Variants in TWIST2 observed in about 807,000 individuals in gnomAD.
TWIST2 encodes the protein twist family bHLH transcription factor 2, also known as twist-related protein 2.
A neutral mutation model predicts 11.6 loss-of-function variants in TWIST2; 1 was observed. The observed-to-expected ratio is 0.09, with a 90% CI of 0.03 to 0.41. The LOEUF (loss-of-function observed/expected upper bound fraction) is 0.41, where lower values mean the gene tolerates loss of function less well. Among genes scored for constraint, TWIST2 ranks in the 10% least tolerant of loss-of-function variants. The pLI is 0.98. For synonymous variants in TWIST2, 87 were observed against 96.6 expected, an observed-to-expected ratio of 0.90 and a Z score of 0.58; for missense variants, 168 against 226.4, an observed-to-expected ratio of 0.74 and a Z score of 1.66.
intron 1 of TWIST2, among the ~76,000 whole-genome samples, chr2:238,852,268 C>T (rs903722658): frequency 5.9e-5 from 9 of 152,098 alleles, no homozygotes; most frequent in African/African-American, 2.2e-4. Flanking sequence ...AAAGGCTGAA[C>T]TTTTATGACG....
chr2:238,876,413 C>A (rs1415053992), intron 1 of TWIST2, among the ~76,000 whole-genome samples: 5 of 152,202 alleles, frequency 3.3e-5, no homozygotes, highest in Non-Finnish European at 5.9e-5. Context: ...CTTTCTAGGA[C>A]TGTCCACTCA....
At chr2:238,870,585 A>AT (rs2106358850) in intron 1 of TWIST2, among the ~76,000 whole-genome samples, 2 of 70,844 alleles carry the variant, frequency 2.8e-5, no homozygotes, top group Admixed American at 1.5e-4. Context: ...CCACACACAC[A>AT]CACCACACAC....
intron 1 of TWIST2, among the ~76,000 whole-genome samples, chr2:238,885,496 A>G (rs1376829470): frequency 6.6e-6 from 1 of 152,184 alleles, no homozygotes; most frequent in East Asian, 1.9e-4. Context: ...TGCGTCAGCC[A>G]TAGCACACAG....
At chr2:238,884,289 A>C (rs1001104707) in intron 1 of TWIST2, among the ~76,000 whole-genome samples, 1 of 152,222 alleles carries the variant, frequency 6.6e-6, no homozygotes. Context: ...ACTCTGAGTC[A>C]GGGCTCTCCA....
intron 1 of TWIST2, among the ~76,000 whole-genome samples, chr2:238,853,330 A>G (rs1692273500): frequency 6.6e-6 from 1 of 151,490 alleles, no homozygotes; most frequent in Admixed American, 6.6e-5. Flanking sequence ...TTGAAGTTTT[A>G]GTATTTGGAG....
At position 238,848,139 on chromosome 2, in the gene TWIST2, C is replaced by G; in HGVS notation, c.-77C>G. 8.9e-7 allele frequency: 1 copy of G among 1,127,184 alleles called. No individual in the cohort carries two copies. The highest frequency in any genetic ancestry group is 1.1e-6 in the Non-Finnish European group (1 of 916,294). 69.8% of individuals were successfully genotyped at this position (1,127,184 alleles called of 1,614,324 possible). A position where few individuals can be genotyped will look rare whatever the true frequency, so the allele number is the denominator to read the frequency against. On this transcript the variant is annotated 5_prime_UTR_variant, in exon 1 of 2. Coordinates refer to ENST00000612363, the MANE Select transcript of TWIST2 (RefSeq NM_001271893.4). ...TCCAGCAACTCCGAGAGCGTGTGCT[C>G]GGCGACCGCGGGCTTGGCCAGCGGC...
At position 238,903,098 on chromosome 2, in the gene TWIST2, G is replaced by T. The variant is rs1191651229; in HGVS notation, c.*36-6744G>T. Among the ~76,000 whole-genome samples, 600 of 137,654 alleles carry T rather than the reference G, an allele frequency of 4.4e-3. 26 individuals are homozygous for T. The highest frequency in any genetic ancestry group is 0.016 in the African/African-American group (546 of 33,156). The allele number at this position is 137,654 out of a possible 152,430, so 90.3% of individuals were successfully genotyped here. A position where few individuals can be genotyped will look rare whatever the true frequency, so the allele number is the denominator to read the frequency against. On this transcript the variant is annotated intron_variant, in intron 1 of 1. Transcript: ENST00000612363. ...TGTGATGTGGGGTGTGTGCTGTGGG[G>T]TATGTGCGTGATGTGAGGTGTGTGT...
rs1444658175 is a variant in TWIST2, at chr2:238,898,085, G to A, written c.*36-11757G>A. On this transcript the variant is annotated intron_variant, in intron 1 of 1. Coordinates refer to ENST00000612363, the MANE Select transcript of TWIST2 (RefSeq NM_001271893.4). ...GACTGTCTCAAGAGGGCTGGAGGCT[G>A]TGTTAGGACCCTTCAGAGGAACTGC... is the stretch of plus-strand genomic sequence containing the variant. Among the ~76,000 whole-genome samples the A allele has an allele frequency of 7.2e-5, 11 of 152,362 alleles. No individual in the cohort carries two copies. The South Asian group carries it at 2.3e-3, about 32-fold the overall frequency.
chr2:238,848,491 C>T lies in TWIST2; in HGVS notation c.276C>T (p.Ile92=). ...LNEAFAALRK[I]IPTLPSDKLS... ...AGGCCTTCGCGGCGCTGCGCAAGAT[C>T]ATCCCCACGCTGCCCTCTGACAAGC... The change falls in exon 1 of 2, where the codon ATC becomes ATT. Residue 92 remains isoleucine, a synonymous_variant. Coordinates refer to ENST00000612363, the MANE Select transcript of TWIST2 (RefSeq NM_001271893.4). 1 of 1,583,490 alleles carries T rather than the reference C, an allele frequency of 6.3e-7. No individual in the cohort carries two copies. The highest frequency in any genetic ancestry group is 1.3e-5 in the African/African-American group (1 of 74,306).
intron 1 of TWIST2, among the ~76,000 whole-genome samples, chr2:238,898,233 C>T (rs1693228052): frequency 1.3e-5 from 2 of 152,258 alleles, no homozygotes; most frequent in African/African-American, 4.8e-5. Flanking sequence ...AGCTGTGTGA[C>T]ATAGTGTGGC....
intron 1 of TWIST2, among the ~76,000 whole-genome samples, chr2:238,901,123 T>C (rs878920692): frequency 0.38 from 56,873 of 151,614 alleles, 10,824 homozygotes; most frequent in Middle Eastern, 0.5. Context: ...ATTACAGGTG[T>C]GTGCCAACCA....
intron 1 of TWIST2, among the ~76,000 whole-genome samples, chr2:238,906,604 CTG>C (rs1467965878): frequency 2.1e-5 from 3 of 145,542 alleles, no homozygotes; most frequent in East Asian, 1.9e-4. Flanking sequence ...CACACTCACT[CTG>C]GACATTCTTT....
chr2:238,848,650 C>T lies in TWIST2; in HGVS notation c.435C>T (p.Phe145=). 1 of 1,537,130 alleles carries T rather than the reference C, an allele frequency of 6.5e-7. No homozygotes were observed. The highest frequency in any genetic ancestry group is 8.7e-7 in the Non-Finnish European group (1 of 1,147,250). Residue 145 remains phenylalanine, a synonymous_variant, in exon 1 of 2, where the codon TTC becomes TTT. Coordinates refer to ENST00000612363, the MANE Select transcript of TWIST2 (RefSeq NM_001271893.4). The stretch of plus-strand genomic sequence containing the variant: ...CCCACGAGCGCCTCAGCTACGCCTT[C>T]TCCGTGTGGCGCATGGAGGGCGCGT... ...YVAHERLSYA[F]SVWRMEGAWS...
intron 1 of TWIST2, among the ~76,000 whole-genome samples, chr2:238,855,573 T>C (rs529524758): frequency 8.9e-4 from 136 of 152,312 alleles, no homozygotes; most frequent in African/African-American, 3.2e-3. Context: ...CTGGTGAACA[T>C]TTCTTCTCCA....
intron 1 of TWIST2, among the ~76,000 whole-genome samples, chr2:238,872,624 T>G (rs1376097426): frequency 6.6e-6 from 1 of 152,206 alleles, no homozygotes; most frequent in Admixed American, 6.5e-5. Context: ...GATGAAAGCT[T>G]TCAGGCATTT....
intron 1 of TWIST2, among the ~76,000 whole-genome samples, chr2:238,909,503 C>T (rs1693416280): frequency 1.3e-5 from 2 of 152,152 alleles, no homozygotes; most frequent in African/African-American, 4.8e-5. Flanking sequence ...GAGGGGCTCA[C>T]CCACAGCCAG....
intron 1 of TWIST2, among the ~76,000 whole-genome samples, chr2:238,909,420 A>C (rs1238734109): frequency 1.3e-5 from 2 of 152,110 alleles, no homozygotes; most frequent in Non-Finnish European, 2.9e-5. Context: ...CTGCTGCCCG[A>C]AACCCCACAG....
At chr2:238,895,419 C>T (rs1283381538) in intron 1 of TWIST2, among the ~76,000 whole-genome samples, 3 of 152,230 alleles carry the variant, frequency 2.0e-5, no homozygotes, top group East Asian at 1.9e-4. Flanking sequence ...AAACGGGGCC[C>T]GCAGGGCGGT....
intron 1 of TWIST2, among the ~76,000 whole-genome samples, chr2:238,853,643 G>A (rs1444622592): frequency 1.3e-5 from 2 of 152,184 alleles, no homozygotes; most frequent in Non-Finnish European, 2.9e-5. Flanking sequence ...GCATTAACAA[G>A]GTGAATTTTA....
Sources: gnomAD v4.1 joint callset for allele counts (sites outside exome capture counted in the v4.1 genomes callset) on GRCh38, gnomAD v4.1.1 for gene constraint, MANE v1.5 for transcripts, NCBI Gene and HGNC (gene_info 2026-07-23, HGNC 2026-07-21) for gene names.